ANK3: variants seen among roughly 807,000 people sequenced by gnomAD.
The protein encoded by ANK3 is ankyrin-3.
In ANK3, 57 loss-of-function variants were observed where a neutral mutation model predicts 370.9. The ratio of observed to expected loss-of-function variants is 0.15; its 90% CI spans 0.12 to 0.19. The LOEUF is 0.19. Among genes scored for constraint, ANK3 ranks in the 10% least tolerant of loss-of-function variants. The pLI is 1.00. For synonymous variants in ANK3, 1,929 were observed against 1,946.3 expected (o/e 0.99, Z 0.23); for missense variants, 4,439 against 5,302.1 (o/e 0.84, Z 5.06).
At chr10:60,076,896 T>C (rs1328296589) in intron 36 of ANK3, among the ~76,000 whole-genome samples, 1 of 152,226 alleles carries the variant, frequency 6.6e-6, no homozygotes, top group Non-Finnish European at 1.5e-5. Context: ...ACCATACAAC[T>C]TTCATTTTAG....
chr10:60,434,364 G>A (rs2064105645), intron 2 of ANK3, among the ~76,000 whole-genome samples: 1 of 152,124 alleles, frequency 6.6e-6, no homozygotes, highest in African/African-American at 2.4e-5. Flanking sequence ...TAGGTAATTA[G>A]AATATGGCAT....
At chr10:60,611,995 A>G (rs2078208398) in intron 2 of ANK3, among the ~76,000 whole-genome samples, 1 of 152,106 alleles carries the variant, frequency 6.6e-6, no homozygotes, top group Non-Finnish European at 1.5e-5. Flanking sequence ...GAATTCATCC[A>G]AACTACCTCT....
At chr10:60,245,660 T>G (rs547769790) in intron 7 of ANK3, among the ~76,000 whole-genome samples, 129 of 152,346 alleles carry the variant, frequency 8.5e-4, no homozygotes, top group African/African-American at 3.1e-3. Flanking sequence ...ATCCATACTG[T>G]AGTACTTATC....
At chr10:60,490,370 A>G (rs755497599) in intron 2 of ANK3, among the ~76,000 whole-genome samples, 9 of 152,162 alleles carry the variant, frequency 5.9e-5, no homozygotes, top group Non-Finnish European at 1.0e-4. Context: ...GATGCATGAA[A>G]AAGTTTGACG....
At chr10:60,378,468 A>G (rs946549146) in intron 1 of ANK3, among the ~76,000 whole-genome samples, 1 of 151,410 alleles carries the variant, frequency 6.6e-6, no homozygotes, top group African/African-American at 2.4e-5. Flanking sequence ...ATAGTAGCCA[A>G]AACAGCATGA....
intron 1 of ANK3, among the ~76,000 whole-genome samples, chr10:60,281,553 A>G (rs2098163444): frequency 6.6e-6 from 1 of 152,208 alleles, no homozygotes; most frequent in Non-Finnish European, 1.5e-5. Flanking sequence ...GCACAAGGCA[A>G]TGTGACTCCA....
rs1449643657 is a variant in ANK3 at position 60,074,719 on chromosome 10, C to T, written c.6162G>A (p.Glu2054=). 6.2e-7 allele frequency: 1 copy of T among 1,613,662 alleles called. No individual in the cohort carries two copies. Among genetic ancestry groups the T allele is most frequent in the South Asian group, 1.1e-5 (1 of 90,884 alleles). The change falls in exon 37 of 44, where the codon GAG becomes GAA. Residue 2054 remains glutamate, a synonymous_variant. Coordinates refer to ENST00000280772, the MANE Select transcript of ANK3 (RefSeq NM_020987.5). ...SSLTNLKYKF[E]DAKKDGEERQ... ...TCTCCTCACCATCCTTCTTTGCATC[C>T]TCAAACTTGTATTTTAAGTTTGTCA...
rs1320689894 is a variant in ANK3 at position 60,028,278 on chromosome 10, T to TATC, written c.*1565_*1567dup. The TATC allele has an allele frequency of 2.6e-5, 4 of 152,718 alleles. No homozygotes were observed. The highest frequency in any genetic ancestry group is 7.2e-5 in the African/African-American group (3 of 41,572). 9.5% of individuals were successfully genotyped at this position (152,718 alleles called of 1,614,324 possible). A position where few individuals can be genotyped will look rare whatever the true frequency, so the allele number is the denominator to read the frequency against. The stretch of plus-strand genomic sequence containing the variant: ...CAGGGCACATATGAATGTTAGAGAT[T>TATC]ATCTCTTCAGTGACCACAGAGGCAC... On this transcript the variant is annotated 3_prime_UTR_variant, in exon 44 of 44. Transcript: ENST00000280772.
At chr10:60,672,790 A>C (rs2079078170) in intron 1 of ANK3, among the ~76,000 whole-genome samples, 1 of 152,198 alleles carries the variant, frequency 6.6e-6, no homozygotes, top group African/African-American at 2.4e-5. Flanking sequence ...TTGGTGCCTG[A>C]ACTGAGGGAC....
intron 14 of ANK3, 116 bp from the exon 15 acceptor site, chr10:60,196,741 T>C (rs1049684711): frequency 3.1e-6 from 2 of 639,266 alleles, no homozygotes; most frequent in African/African-American, 1.8e-5. Context: ...GGCACTGCTT[T>C]CCAGAACTGA....
At position 60,406,647 on chromosome 10, in the gene ANK3, C is replaced by T. The variant is rs187345460; in HGVS notation, c.97-127008G>A. Among the ~76,000 whole-genome samples, 52 of 152,172 alleles carry T rather than the reference C, an allele frequency of 3.4e-4. 1 individual carries two copies. The highest frequency in any genetic ancestry group is 3.1e-3 in the Admixed American group (48 of 15,276). ...CTACAGACTGGTACCAGTCCACAGC[C>T]CGGGGGCTGAGGGCTCCTGCCCTAG... On this transcript the variant is annotated intron_variant, in intron 2 of 43. Coordinates refer to the ANK3 transcript ENST00000373827.
At chr10:60,512,114 G>A (rs905687295) in intron 2 of ANK3, among the ~76,000 whole-genome samples, 1 of 151,928 alleles carries the variant, frequency 6.6e-6, no homozygotes, top group African/African-American at 2.4e-5. Context: ...TTAAAAAAAA[G>A]TACAAGGTGC....
intron 2 of ANK3, among the ~76,000 whole-genome samples, chr10:60,567,088 GT>G (rs2077481187): frequency 1.3e-5 from 2 of 152,324 alleles, no homozygotes; most frequent in South Asian, 4.1e-4. Context: ...GTTATAGCAA[GT>G]TATCCAGAAG....
At chr10:60,528,198 G>A (rs888189769) in intron 2 of ANK3, among the ~76,000 whole-genome samples, 1 of 140,172 alleles carries the variant, frequency 7.1e-6, no homozygotes, top group Non-Finnish European at 1.5e-5. Flanking sequence ...TTGTAATGGT[G>A]CAATCTCGAC....
At chr10:60,490,023 G>A (rs1422699937) in intron 2 of ANK3, among the ~76,000 whole-genome samples, 1 of 148,126 alleles carries the variant, frequency 6.8e-6, no homozygotes, top group Non-Finnish European at 1.5e-5. Flanking sequence ...CCTGCCTAGT[G>A]CACACTCCCC....
At chr10:60,491,677 G>A (rs190579434) in intron 2 of ANK3, among the ~76,000 whole-genome samples, 10 of 152,198 alleles carry the variant, frequency 6.6e-5, no homozygotes, top group Admixed American at 5.2e-4. Flanking sequence ...CTGTGTCCAA[G>A]GTAAAATGCT....
At chr10:60,177,102 T>A (rs771887434) in intron 18 of ANK3, among the ~76,000 whole-genome samples, 1 of 152,232 alleles carries the variant, frequency 6.6e-6, no homozygotes, top group Non-Finnish European at 1.5e-5. Context: ...GCTTCTCTTA[T>A]CTGAAACACC....
intron 9 of ANK3, among the ~76,000 whole-genome samples, chr10:60,212,590 A>G (rs2096874251): frequency 6.6e-6 from 1 of 152,148 alleles, no homozygotes. Flanking sequence ...TCTAAACCCT[A>G]CGTTTTAAAT....
At chr10:60,313,777 T>C (rs907296974) in intron 1 of ANK3, among the ~76,000 whole-genome samples, 4 of 152,190 alleles carry the variant, frequency 2.6e-5, no homozygotes, top group Non-Finnish European at 5.9e-5. Flanking sequence ...ACAGTTGACA[T>C]TGAACAAAGT....
Sources: gnomAD v4.1 joint callset for allele counts (sites outside exome capture counted in the v4.1 genomes callset) on GRCh38, gnomAD v4.1.1 for gene constraint, MANE v1.5 for transcripts, NCBI Gene and HGNC (gene_info 2026-07-23, HGNC 2026-07-21) for gene names.